The following ITGBL1 variants were observed in gnomAD, a reference collection of about 807,000 sequenced individuals.
ITGBL1 encodes integrin subunit beta like 1.
A neutral mutation model predicts 68.5 loss-of-function variants in ITGBL1; 51 were observed. That is an observed-to-expected ratio of 0.74 (90% CI 0.59 to 0.94). ITGBL1 has a LOEUF of 0.94. ITGBL1 is among the 40% of genes least tolerant of loss of function. The pLI is 0.00. For missense variants in ITGBL1, 649 were observed against 647.4 expected, an observed-to-expected ratio of 1.00 and a Z score of -0.03; for synonymous variants, 209 against 227.3, an observed-to-expected ratio of 0.92 and a Z score of 0.72.
At chr13:101,488,120 AG>A (rs914552428) in intron 2 of ITGBL1, among the ~76,000 whole-genome samples, 1 of 152,184 alleles carries the variant, frequency 6.6e-6, no homozygotes, top group African/African-American at 2.4e-5. Context: ...TTTTTCTTGA[AG>A]GATGTTTGGA....
chr13:101,718,462 T>C (rs1234395055), downstream of ITGBL1: 2 of 152,148 alleles, frequency 1.3e-5, no homozygotes, highest in Non-Finnish European at 1.5e-5. Context: ...CAAATCTCAT[T>C]GGCTCATTCC....
At chr13:101,580,687 C>A (rs1313886301) in intron 5 of ITGBL1, among the ~76,000 whole-genome samples, 3 of 152,134 alleles carry the variant, frequency 2.0e-5, no homozygotes, top group Non-Finnish European at 4.4e-5. Flanking sequence ...GGGTCACAGT[C>A]ACCATTTTTA....
intron 8 of ITGBL1, among the ~76,000 whole-genome samples, chr13:101,701,991 TTTATG>T (rs1270759174): frequency 2.6e-5 from 4 of 152,168 alleles, no homozygotes; most frequent in African/African-American, 7.2e-5. Context: ...GATGGTAAAT[TTTATG>T]TTATATCTAT....
chr13:101,484,275 G>T (rs1049154310), intron 2 of ITGBL1, among the ~76,000 whole-genome samples: 1 of 152,008 alleles, frequency 6.6e-6, no homozygotes, highest in South Asian at 2.1e-4. Context: ...GAAAACAAGA[G>T]AATTACAAAA....
chr13:101,590,908 G>GT (rs544627637), intron 6 of ITGBL1, among the ~76,000 whole-genome samples: 2,350 of 151,746 alleles, frequency 0.015, 51 homozygotes, highest in Admixed American at 0.051. Flanking sequence ...GAACTTCTTT[G>GT]TTTTGTTTTT....
Position 101,453,939 on chromosome 13 carries a change from G to GA in ITGBL1, c.155_156insA (p.Ala53ArgfsTer28). 2 of 1,421,040 alleles carry GA rather than the reference G, an allele frequency of 1.4e-6. No homozygotes were observed. The highest frequency in any genetic ancestry group is 3.1e-5 in the South Asian group (2 of 65,452). 88.0% of individuals were successfully genotyped at this position (1,421,040 alleles called of 1,614,324 possible). A position where few individuals can be genotyped will look rare whatever the true frequency, so the allele number is the denominator to read the frequency against. On this transcript the variant is annotated frameshift_variant, in exon 2 of 11. Coordinates refer to ENST00000376180, the MANE Select transcript of ITGBL1 (RefSeq NM_004791.3). LOFTEE classifies it high-confidence loss of function. The stretch of plus-strand genomic sequence containing the variant: ...CGGGCCGAGTCGGAGCGACGCTGCC[G>GA]CGCACCTGGGCAGCCCCCGGGGGCC...
At chr13:101,595,244 G>A (rs1468556560) in intron 6 of ITGBL1, among the ~76,000 whole-genome samples, 3 of 152,138 alleles carry the variant, frequency 2.0e-5, no homozygotes, top group African/African-American at 7.2e-5. Flanking sequence ...CACATGGCGA[G>A]AGAGAGGAAG....
chr13:101,671,725 A>G (rs1433907103), intron 7 of ITGBL1, among the ~76,000 whole-genome samples: 2 of 152,086 alleles, frequency 1.3e-5, no homozygotes, highest in East Asian at 3.9e-4. Context: ...GGCGTGAGCC[A>G]CCGCGCCCGG....
intron 2 of ITGBL1, 52 bp downstream of exon 2, chr13:101,454,152 G>A: frequency 1.4e-6 from 2 of 1,390,522 alleles, no homozygotes; most frequent in South Asian, 1.5e-5. Context: ...TCCTCTTCTG[G>A]GATTTCTGCC....
rs1260724684 is a variant in ITGBL1, at chr13:101,575,428, A to G, written c.468A>G (p.Thr156=). The G allele has an allele frequency of 1.2e-6, 2 of 1,612,822 alleles. No individual in the cohort carries two copies. Among genetic ancestry groups the G allele is most frequent in the East Asian group, 4.5e-5 (2 of 44,814 alleles). The change falls in exon 4 of 11, where the codon ACA becomes ACG. Residue 156 remains threonine (T), a synonymous_variant. Coordinates refer to ENST00000376180, the MANE Select transcript of ITGBL1 (RefSeq NM_004791.3). ...SQDIICSNAG[T]CHCGRCKCDN... ...TTTTTTGTTTTCATGGTTTAGGTAC[A>G]TGTCACTGTGGCAGGTGTAAGTGTG...
chr13:101,646,917 G>A (rs1019984421), intron 7 of ITGBL1, among the ~76,000 whole-genome samples: 1 of 152,022 alleles, frequency 6.6e-6, no homozygotes, highest in Admixed American at 6.6e-5. Context: ...CTAAATCCTG[G>A]AGTTTTATAA....
chr13:101,484,844 G>A (rs766645945), intron 2 of ITGBL1, among the ~76,000 whole-genome samples: 4 of 152,036 alleles, frequency 2.6e-5, no homozygotes, highest in Non-Finnish European at 5.9e-5. Flanking sequence ...CAAATTTGAT[G>A]AACATTGTAT....
chr13:101,537,086 T>C (rs1036352807), intron 2 of ITGBL1, among the ~76,000 whole-genome samples: 19 of 151,980 alleles, frequency 1.3e-4, no homozygotes, highest in African/African-American at 4.6e-4. Context: ...TATGTAAGCA[T>C]ATAGAGGTGA....
chr13:101,466,883 C>G (rs1369055429), intron 2 of ITGBL1, among the ~76,000 whole-genome samples: 1 of 152,012 alleles, frequency 6.6e-6, no homozygotes, highest in African/African-American at 2.4e-5. Context: ...ATGGTTTAGT[C>G]CATTCAGGCT....
chr13:101,549,770 A>AT (rs35846375), intron 2 of ITGBL1, among the ~76,000 whole-genome samples: 19 of 150,212 alleles, frequency 1.3e-4, no homozygotes, highest in African/African-American at 2.7e-4. Flanking sequence ...TTATTTGGTA[A>AT]TTTTTTTTTT....
intron 7 of ITGBL1, among the ~76,000 whole-genome samples, chr13:101,662,180 C>T (rs2033105409): frequency 1.3e-5 from 2 of 152,080 alleles, no homozygotes; most frequent in Non-Finnish European, 2.9e-5. Context: ...TTTTGATAAC[C>T]ATCAGGTGAA....
chr13:101,559,443 T>G (rs2050064743), intron 2 of ITGBL1, among the ~76,000 whole-genome samples: 1 of 152,206 alleles, frequency 6.6e-6, no homozygotes, highest in Non-Finnish European at 1.5e-5. Context: ...TTAGCATTAT[T>G]CAATTTTAAA....
intron 8 of ITGBL1, among the ~76,000 whole-genome samples, chr13:101,693,764 AT>A (rs1185136866): frequency 6.6e-6 from 1 of 152,160 alleles, no homozygotes. Flanking sequence ...TGACAAAAAA[AT>A]ACTTTCTTCT....
At chr13:101,534,027 G>A (rs1428919431) in intron 2 of ITGBL1, among the ~76,000 whole-genome samples, 1 of 152,162 alleles carries the variant, frequency 6.6e-6, no homozygotes, top group East Asian at 1.9e-4. Context: ...TCAGAAAATA[G>A]TGTGTCAGGG....
Sources: gnomAD v4.1 joint callset for allele counts (sites outside exome capture counted in the v4.1 genomes callset) on GRCh38, gnomAD v4.1.1 for gene constraint, MANE v1.5 for transcripts, NCBI Gene and HGNC (gene_info 2026-07-23, HGNC 2026-07-21) for gene names.